Variants in ING5 observed in about 807,000 individuals in gnomAD.
The protein encoded by ING5 is inhibitor of growth family member 5, also known as inhibitor of growth protein 5.
ING5 carries 17 observed loss-of-function variants against 37.4 expected under a neutral mutation model. The ratio of observed to expected loss-of-function variants is 0.45; its 90% CI spans 0.31 to 0.68. The LOEUF is 0.68. Among genes scored for constraint, ING5 ranks in the 30% least tolerant of loss-of-function variants. The pLI is 0.05. For missense variants in ING5, 233 were observed against 311.9 expected (o/e 0.75, Z 1.91); for synonymous variants, 123 against 116.6 (o/e 1.06, Z -0.36).
chr2:241,719,346 A>T, intron 5 of ING5: 1 of 642,002 alleles, frequency 1.6e-6, no homozygotes, highest in Non-Finnish European at 2.8e-6. Context: ...TGCATGAGGC[A>T]GGCGGACGCC....
chr2:241,716,280 GC>G (rs1402783999), intron 5 of ING5, among the ~76,000 whole-genome samples: 14 of 116,234 alleles, frequency 1.2e-4, no homozygotes, highest in Admixed American at 3.6e-4. Flanking sequence ...TATTAGCCAT[GC>G]TTTTTTTTTT....
chr2:241,720,904 T>A (rs2070414847), intron 5 of ING5: 1 of 985,470 alleles, frequency 1.0e-6, no homozygotes, highest in Admixed American at 6.1e-5. Flanking sequence ...GAGAGGCCAG[T>A]GAGGCCTGCA....
At chr2:241,703,778 G>T (rs2069816111) in intron 1 of ING5, among the ~76,000 whole-genome samples, 1 of 152,000 alleles carries the variant, frequency 6.6e-6, no homozygotes, top group Non-Finnish European at 1.5e-5. Context: ...GATAATTTTT[G>T]TATTTTTAGT....
chr2:241,696,313 C>T (rs2069629331), intron 2 of ING5, among the ~76,000 whole-genome samples: 1 of 152,020 alleles, frequency 6.6e-6, no homozygotes, highest in African/African-American at 2.4e-5. Flanking sequence ...ATCGCTTGAA[C>T]CTGGGAGGTG....
intron 1 of ING5, among the ~76,000 whole-genome samples, chr2:241,704,226 G>A (rs557170925): frequency 1.8e-4 from 27 of 152,204 alleles, no homozygotes; most frequent in Admixed American, 1.2e-3. Flanking sequence ...CTTCCGCTCC[G>A]CAAACCCTGA....
chr2:241,691,781 C>T (rs2069560940), intron 2 of ING5, among the ~76,000 whole-genome samples: 1 of 151,932 alleles, frequency 6.6e-6, no homozygotes, highest in Admixed American at 6.6e-5. Context: ...CATCCCTGGC[C>T]AGGCATGGTG....
At chr2:241,714,396 T>G (rs1168665628) in intron 5 of ING5, among the ~76,000 whole-genome samples, 1 of 152,214 alleles carries the variant, frequency 6.6e-6, no homozygotes, top group Non-Finnish European at 1.5e-5. Context: ...TATGGAAGTA[T>G]TCAGGCTTTC....
At position 241,707,324 on chromosome 2, in the gene ING5, CTTG is replaced by C. The variant is rs1353294089; in HGVS notation, c.110-1887_110-1885del. Among the ~76,000 whole-genome samples the C allele has an allele frequency of 2.0e-5, 3 of 151,706 alleles. No individual in the cohort carries two copies. In the East Asian group the frequency reaches 5.8e-4, roughly 29 times the overall value. On this transcript the variant is annotated intron_variant, in intron 2 of 7. Transcript: ENST00000313552. Reference sequence around the variant, plus strand: ...TTTTGTTTTGAGATGGAGTTTCGCTCTTGTTGTCCAGGCTGGAGTGCAATGGCA... The same window carrying C: ...TTTTGTTTTGAGATGGAGTTTCGCTCTTGTCCAGGCTGGAGTGCAATGGCA...
At chr2:241,691,987 G>C (rs1399337826) in intron 2 of ING5, among the ~76,000 whole-genome samples, 1 of 152,168 alleles carries the variant, frequency 6.6e-6, no homozygotes. Context: ...GGTTGAGGCT[G>C]CAGTGAGCCA....
intron 7 of ING5, 187 bp from the exon 8 acceptor site, chr2:241,724,802 G>A (rs1325569398): frequency 4.9e-6 from 3 of 609,194 alleles, no homozygotes; most frequent in East Asian, 5.5e-5. Context: ...CCGGCGTCCT[G>A]CATAGAGCCG....
chr2:241,718,996 C>T (rs2070354925), intron 5 of ING5, among the ~76,000 whole-genome samples: 1 of 152,146 alleles, frequency 6.6e-6, no homozygotes, highest in African/African-American at 2.4e-5. Context: ...CTGTTCTCCC[C>T]AGGAGGTGTT....
upstream of ING5, among the ~76,000 whole-genome samples, chr2:241,698,910 T>C (rs759202864): frequency 1.3e-5 from 2 of 152,174 alleles, no homozygotes; most frequent in Non-Finnish European, 2.9e-5. Flanking sequence ...GTATTTTTAA[T>C]AGAGATGGGG....
At chr2:241,687,311 C>T (rs2069454245) in exon 1 of ING5, 1 of 398,672 alleles carries the variant, frequency 2.5e-6, no homozygotes, top group Non-Finnish European at 4.4e-6. Context: ...GCGCGGGGCC[C>T]AGTGCAGGGG....
intron 2 of ING5, among the ~76,000 whole-genome samples, chr2:241,707,724 A>G (rs961703782): frequency 3.3e-5 from 5 of 152,208 alleles, no homozygotes; most frequent in Non-Finnish European, 7.3e-5. Context: ...CAACAATTAT[A>G]GATTGCTTAA....
intron 2 of ING5, among the ~76,000 whole-genome samples, chr2:241,708,520 C>G (rs976927577): frequency 2.6e-5 from 4 of 152,194 alleles, no homozygotes; most frequent in African/African-American, 7.2e-5. Flanking sequence ...TTTTCTTACC[C>G]CTCTAAACTG....
At chr2:241,709,926 T>TTTTA (rs1174895708) in intron 3 of ING5, among the ~76,000 whole-genome samples, 1 of 151,706 alleles carries the variant, frequency 6.6e-6, no homozygotes, top group African/African-American at 2.4e-5. Context: ...CCATATTTTA[T>TTTTA]TTTATTTATT....
intron 3 of ING5, among the ~76,000 whole-genome samples, 171 bp downstream of exon 3, chr2:241,709,553 C>G (rs1403930258): frequency 5.3e-5 from 5 of 94,224 alleles, no homozygotes; most frequent in Non-Finnish European, 1.0e-4. Context: ...AGGACCATCC[C>G]TGTTTTTTTT....
intron 5 of ING5, chr2:241,722,366 T>TA: frequency 1.0e-6 from 1 of 985,222 alleles, no homozygotes; most frequent in Non-Finnish European, 1.2e-6. Context: ...GGGACCGAGA[T>TA]GAGAGTGGAC....
intron 2 of ING5, among the ~76,000 whole-genome samples, chr2:241,692,853 G>C (rs2069574813): frequency 6.6e-6 from 1 of 152,106 alleles, no homozygotes; most frequent in African/African-American, 2.4e-5. Flanking sequence ...CCTGGGCCTT[G>C]TTAAACTCTT....
Sources: gnomAD v4.1 joint callset for allele counts (sites outside exome capture counted in the v4.1 genomes callset) on GRCh38, gnomAD v4.1.1 for gene constraint, MANE v1.5 for transcripts, NCBI Gene and HGNC (gene_info 2026-07-23, HGNC 2026-07-21) for gene names.